Variants in METTL13 observed in about 807,000 individuals in gnomAD.
The protein encoded by METTL13 is eEF1A lysine and N-terminal methyltransferase.
METTL13 carries 52 observed loss-of-function variants against 67.4 expected under a neutral mutation model. The ratio of observed to expected loss-of-function variants is 0.77; its 90% confidence interval spans 0.62 to 0.97. The LOEUF is 0.97. METTL13 is among the 50% of genes least tolerant of loss of function. The pLI is 0.00. For missense variants in METTL13, 825 were observed against 889.6 expected (o/e 0.93, Z 0.92); for synonymous variants, 354 against 353.6 (o/e 1.00, Z -0.01).
chr1:171,796,650 T>G lies in METTL13; in HGVS notation c.1994T>G (p.Leu665Arg). 1 of 1,614,114 alleles carries G rather than the reference T, an allele frequency of 6.2e-7. No individual in the cohort carries two copies. Among genetic ancestry groups the G allele is most frequent in the Non-Finnish European group, 8.5e-7 (1 of 1,180,008 alleles). Residue 665 changes from leucine to arginine, a missense_variant, in exon 8 of 8, where the codon CTC becomes CGC. Coordinates refer to ENST00000361735, the MANE Select transcript of METTL13 (RefSeq NM_015935.5). The part of the protein sequence containing the change: ...HPEQKLATPE[L>R]LETAQALERT... ...GAGCAAAAACTTGCCACACCAGAGC[T>G]CCTAGAAACAGCCCAGGCTTTGGAG...
chr1:171,792,384 A>G, intron 6 of METTL13, 149 bp downstream of exon 6: 1 of 875,700 alleles, frequency 1.1e-6, no homozygotes, highest in East Asian at 2.7e-5. Flanking sequence ...ATACTTATTC[A>G]CTAGAGTACC....
At chr1:171,783,655 A>G in intron 1 of METTL13, 85 bp from the exon 2 acceptor site, 1 of 1,483,498 alleles carries the variant, frequency 6.7e-7, no homozygotes, top group Non-Finnish European at 9.1e-7. Context: ...TGACTCAGCC[A>G]AGGTGAGACT....
At position 171,790,580 on chromosome 1, in the gene METTL13, G is replaced by T; in HGVS notation, c.1438G>T (p.Gly480Cys). 1 of 1,593,054 alleles carries T rather than the reference G, an allele frequency of 6.3e-7. No homozygotes were observed. The highest frequency in any genetic ancestry group is 8.5e-7 in the Non-Finnish European group (1 of 1,172,044). ...CCEHHKAMIAGLALLRNPELL... is the reference protein window; with the variant it reads ...CCEHHKAMIACLALLRNPELL... ...TGAACACCACAAAGCCATGATCGCT[G>T]GCCTTGCCCTGCTGAGAAACCCAGA... Residue 480 changes from glycine to cysteine, a missense_variant, in exon 5 of 8, where the codon GGC (glycine) becomes TGC (cysteine). Physicochemically the swap from Gly to Cys is radical, Grantham distance 159. Transcript: ENST00000361735.
chr1:171,784,242 C>T lies in METTL13; in HGVS notation c.656C>T (p.Ala219Val), dbSNP rs761481739. 3.1e-6 allele frequency: 5 copies of T among 1,614,076 alleles called. No individual in the cohort carries two copies. The South Asian group carries it at 4.4e-5, about 14-fold the overall frequency. The part of the protein sequence containing the change: ...MTKFRPVPGS[A>V]LQIFELCAQE... ...AAGTTCAGGCCAGTCCCTGGCTCTGCCCTTCAGATCTTTGAGCTGTGTGCT... is the reference window on the plus strand; with the variant it reads ...AAGTTCAGGCCAGTCCCTGGCTCTGTCCTTCAGATCTTTGAGCTGTGTGCT... Residue 219 changes from alanine (A) to valine (V), a missense_variant, in exon 2 of 8, where the codon GCC becomes GTC. Ala to Val is a moderately conservative substitution (Grantham distance 64, BLOSUM62 0). Coordinates refer to ENST00000361735, the MANE Select transcript of METTL13 (RefSeq NM_015935.5).
Position 171,782,119 on chromosome 1 carries a change from A to G in METTL13, c.152A>G (p.Lys51Arg), listed in dbSNP as rs1185017732. The G allele has an allele frequency of 4.3e-6, 7 of 1,613,064 alleles. No homozygotes were observed. The South Asian group carries it at 7.7e-5, about 18-fold the overall frequency. The change falls in exon 1 of 8, where the codon AAG (lysine) becomes AGG (arginine). Residue 51 changes from lysine (K) to arginine (R), a missense_variant and splice_region_variant. Lys to Arg is a conservative substitution (Grantham distance 26). Transcript: ENST00000361735. ...VLHKYIKPRE[K>R]VLVIGCGNSE... ...CATAAATATATCAAGCCCAGGGAAA[A>G]GGTGAGGAGCGCGGGTTGGTAGCCC... is the stretch of plus-strand genomic sequence containing the variant.
intron 2 of METTL13, among the ~76,000 whole-genome samples, chr1:171,785,549 A>T (rs1453417768): frequency 6.6e-6 from 1 of 152,150 alleles, no homozygotes; most frequent in Non-Finnish European, 1.5e-5. Context: ...CTGTTGGAGG[A>T]TTCCATTAAT....
intron 6 of METTL13, 25 bp from the exon 7 acceptor site, chr1:171,794,371 G>A (rs761540462): frequency 3.1e-6 from 5 of 1,613,860 alleles, no homozygotes; most frequent in African/African-American, 1.3e-5. Context: ...GCAAAGACAA[G>A]GACTTGTTTC....
intron 1 of METTL13, 50 bp downstream of exon 1, chr1:171,782,170 A>T: frequency 6.5e-7 from 1 of 1,528,640 alleles, no homozygotes; most frequent in Non-Finnish European, 9.0e-7. Flanking sequence ...GAAGGTGGGA[A>T]CTGGTAACAG....
chr1:171,781,752 GC>G lies in METTL13; in HGVS notation c.-215del. On this transcript the variant is annotated 5_prime_UTR_variant, in exon 1 of 8. Coordinates refer to ENST00000361735, the MANE Select transcript of METTL13 (RefSeq NM_015935.5). ...AGGAACAGCAGGCGCGGAGGAGGGG[GC>G]AAGCGTGTGTGAGATTCAGTGGTCC... The G allele has an allele frequency of 1.5e-6, 2 of 1,370,726 alleles. No individual in the cohort carries two copies. The highest frequency in any genetic ancestry group is 1.9e-6 in the Non-Finnish European group (2 of 1,059,558). The allele number at this position is 1,370,726 out of a possible 1,614,324, so 84.9% of individuals were successfully genotyped here. A position where few individuals can be genotyped will look rare whatever the true frequency, so the allele number is the denominator to read the frequency against.
Position 171,782,134 on chromosome 1 carries a change from G to A in METTL13, c.153+14G>A. On this transcript the variant is annotated intron_variant, in intron 1 of 7. Transcript: ENST00000361735. ...CCCAGGGAAAAGGTGAGGAGCGCGG[G>A]TTGGTAGCCCTTCGTACGTGCTCCG... 6.2e-7 allele frequency: 1 copy of A among 1,610,864 alleles called. No homozygotes were observed. The highest frequency in any genetic ancestry group is 8.5e-7 in the Non-Finnish European group (1 of 1,177,312).
chr1:171,792,140 C>T lies in METTL13; in HGVS notation c.1598C>T (p.Ala533Val). 1 of 1,614,106 alleles carries T rather than the reference C, an allele frequency of 6.2e-7. No individual in the cohort carries two copies. The highest frequency in any genetic ancestry group is 8.5e-7 in the Non-Finnish European group (1 of 1,180,038). Residue 533 changes from alanine to valine, a missense_variant, in exon 6 of 8, where the codon GCC becomes GTC. Transcript: ENST00000361735. ...VEIDPSMLEVATQWFGFSQSD... is the reference protein window; with the variant it reads ...VEIDPSMLEVVTQWFGFSQSD... ...ATCGATCCCTCCATGTTGGAAGTGGCCACCCAGTGGTTTGGCTTCTCCCAG... is the reference window on the plus strand; with the variant it reads ...ATCGATCCCTCCATGTTGGAAGTGGTCACCCAGTGGTTTGGCTTCTCCCAG...
In METTL13 at chr1:171,796,530, C is replaced by T. The variant is rs1558134177; in HGVS notation, c.1874C>T (p.Ser625Leu). Reference sequence around the variant, plus strand: ...TGCCGAGACTTGGGGCTAAAAGACTCAGTGCTGGCTGGGCTCAAGGCAGTG... The same window carrying T: ...TGCCGAGACTTGGGGCTAAAAGACTTAGTGCTGGCTGGGCTCAAGGCAGTG... ...LVCRDLGLKD[S>L]VLAGLKAVFP... Residue 625 changes from serine (S) to leucine (L), a missense_variant, in exon 8 of 8, where the codon TCA (serine) becomes TTA (leucine). Ser to Leu is a moderately radical substitution (Grantham distance 145). Coordinates refer to ENST00000361735, the MANE Select transcript of METTL13 (RefSeq NM_015935.5). 4 of 1,614,200 alleles carry T rather than the reference C, an allele frequency of 2.5e-6. No individual in the cohort carries two copies. The South Asian group carries it at 4.4e-5, about 18-fold the overall frequency.
intron 4 of METTL13, among the ~76,000 whole-genome samples, chr1:171,789,613 A>G (rs972470120): frequency 1.1e-4 from 17 of 152,308 alleles, no homozygotes; most frequent in African/African-American, 4.1e-4. Context: ...AATAAAAGTT[A>G]CGGTATAGTA....
chr1:171,794,178 G>A (rs1657292322), intron 6 of METTL13, among the ~76,000 whole-genome samples: 1 of 152,188 alleles, frequency 6.6e-6, no homozygotes, highest in Non-Finnish European at 1.5e-5. Context: ...AAATGTGGAA[G>A]AAGGTTCCAT....
At chr1:171,786,117 G>T in intron 3 of METTL13, 39 bp downstream of exon 3, 1 of 1,579,484 alleles carries the variant, frequency 6.3e-7, no homozygotes, top group East Asian at 2.3e-5. Flanking sequence ...GGTCTCTGAA[G>T]TCATGTTAGC....
At chr1:171,789,856 G>T (rs1335027021) in intron 4 of METTL13, among the ~76,000 whole-genome samples, 1 of 138,994 alleles carries the variant, frequency 7.2e-6, no homozygotes, top group Non-Finnish European at 1.6e-5. Context: ...GGTAGGGGGG[G>T]CACATCCTAA....
At chr1:171,784,916 A>G (rs1305596692) in intron 2 of METTL13, among the ~76,000 whole-genome samples, 1 of 152,228 alleles carries the variant, frequency 6.6e-6, no homozygotes, top group East Asian at 1.9e-4. Context: ...TGTGAGCTGC[A>G]GGACCTGGGG....
chr1:171,791,561 G>C (rs1657205969), intron 5 of METTL13, among the ~76,000 whole-genome samples: 1 of 152,028 alleles, frequency 6.6e-6, no homozygotes, highest in Non-Finnish European at 1.5e-5. Flanking sequence ...CTGCAGCCTT[G>C]ACCTCCTTAG....
intron 4 of METTL13, 145 bp downstream of exon 4, chr1:171,788,075 C>A (rs1460733463): frequency 2.7e-6 from 2 of 737,102 alleles, no homozygotes; most frequent in African/African-American, 1.8e-5. Context: ...TAGCTATAAG[C>A]AGAGTACATT....
Sources: gnomAD v4.1 joint callset for allele counts (sites outside exome capture counted in the v4.1 genomes callset) on GRCh38, gnomAD v4.1.1 for gene constraint, MANE v1.5 for transcripts, NCBI Gene and HGNC (gene_info 2026-07-23, HGNC 2026-07-21) for gene names.